Variants in FGGY observed in about 807,000 individuals in gnomAD.
FGGY encodes the protein FGGY carbohydrate kinase domain containing.
A neutral mutation model predicts 71.3 loss-of-function variants in FGGY; 72 were observed. The observed-to-expected ratio is 1.01, with a 90% CI of 0.84 to 1.23. The LOEUF (loss-of-function observed/expected upper bound fraction) is 1.23, where lower values mean the gene tolerates loss of function less well. Ranked by LOEUF, FGGY falls within the 50% of genes most tolerant of loss-of-function variation. The pLI, the probability that FGGY is intolerant of heterozygous loss-of-function variation, is 0.00. For missense variants in FGGY, 668 were observed against 682.3 expected (o/e 0.98, Z 0.23); for synonymous variants, 251 against 250.3 (o/e 1.00, Z -0.02).
chr1:59,405,917 C>CA (rs2062663718), intron 5 of FGGY, among the ~76,000 whole-genome samples: 2 of 144,896 alleles, frequency 1.4e-5, no homozygotes, highest in Admixed American at 1.4e-4. Flanking sequence ...TTTCCCCTAG[C>CA]TTTTTTTTTT....
intron 5 of FGGY, among the ~76,000 whole-genome samples, chr1:59,438,744 A>G (rs995236708): frequency 9.9e-5 from 15 of 152,214 alleles, no homozygotes; most frequent in South Asian, 4.1e-4. Context: ...ATGTATTTCA[A>G]TTGAGGGGGA....
Position 59,660,202 on chromosome 1 carries a change from TC to T in FGGY, c.1222-14del. ...TCTTTTGACCATCTTCTTCTTTTCT[TC>T]CCTTCATGCCTGCAGGTCACCGGAT... is the stretch of plus-strand genomic sequence containing the variant. On this transcript the variant is annotated splice_polypyrimidine_tract_variant and intron_variant, in intron 11 of 15. Coordinates refer to ENST00000303721, the MANE Select transcript of FGGY (RefSeq NM_018291.5). 6.2e-7 allele frequency: 1 copy of T among 1,611,242 alleles called. No individual in the cohort carries two copies. Among genetic ancestry groups the T allele is most frequent in the Non-Finnish European group, 8.5e-7 (1 of 1,178,060 alleles).
chr1:59,732,830 T>C (rs1376368978), intron 14 of FGGY, among the ~76,000 whole-genome samples: 1 of 151,970 alleles, frequency 6.6e-6, no homozygotes, highest in African/African-American at 2.4e-5. Context: ...GAACATGCAA[T>C]TCTTGCACCC....
chr1:59,549,856 G>C (rs2095581660), intron 7 of FGGY, among the ~76,000 whole-genome samples: 2 of 152,172 alleles, frequency 1.3e-5, no homozygotes, highest in Non-Finnish European at 2.9e-5. Context: ...GAGATGAAGG[G>C]AGACAGCATA....
chr1:59,430,102 G>A (rs1572054970), intron 5 of FGGY, among the ~76,000 whole-genome samples: 1 of 152,296 alleles, frequency 6.6e-6, no homozygotes, highest in South Asian at 2.1e-4. Flanking sequence ...GCTGGGTCCT[G>A]TATCTTCAGT....
At chr1:59,733,614 C>T (rs1032883546) in intron 14 of FGGY, among the ~76,000 whole-genome samples, 5 of 152,178 alleles carry the variant, frequency 3.3e-5, no homozygotes, top group African/African-American at 1.2e-4. Context: ...TTGGCCTTGT[C>T]TGTGAGGAAT....
At chr1:59,405,496 C>CCATAAA (rs1276745602) in intron 5 of FGGY, among the ~76,000 whole-genome samples, 2 of 152,156 alleles carry the variant, frequency 1.3e-5, no homozygotes, top group African/African-American at 4.8e-5. Flanking sequence ...TGGCTAGTAG[C>CCATAAA]ACCTTGTACA....
intron 2 of FGGY, among the ~76,000 whole-genome samples, chr1:59,333,967 G>A (rs1461376830): frequency 6.6e-6 from 1 of 152,066 alleles, no homozygotes; most frequent in African/African-American, 2.4e-5. Context: ...TGAGTCTCTT[G>A]GGCAACAGGA....
chr1:59,301,176 T>G (rs1432446657), intron 1 of FGGY, among the ~76,000 whole-genome samples: 1 of 152,218 alleles, frequency 6.6e-6, no homozygotes, highest in African/African-American at 2.4e-5. Flanking sequence ...TATGTAGGTC[T>G]TACACATCTT....
chr1:59,576,217 C>T (rs942460564), intron 8 of FGGY, among the ~76,000 whole-genome samples: 3 of 152,042 alleles, frequency 2.0e-5, no homozygotes, highest in African/African-American at 7.2e-5. Flanking sequence ...TACTATGCAG[C>T]CATAAAAAAG....
At chr1:59,636,444 G>A (rs1355685341) in intron 10 of FGGY, among the ~76,000 whole-genome samples, 2 of 151,906 alleles carry the variant, frequency 1.3e-5, no homozygotes, top group Non-Finnish European at 2.9e-5. Flanking sequence ...ACACGGTGAA[G>A]CCCCGTCTAT....
intron 8 of FGGY, among the ~76,000 whole-genome samples, chr1:59,555,099 T>C (rs1317070592): frequency 6.6e-6 from 1 of 152,168 alleles, no homozygotes; most frequent in Admixed American, 6.5e-5. Flanking sequence ...GTTCAGTTGA[T>C]ATAAATACAT....
chr1:59,742,786 C>T (rs1320651305), intron 14 of FGGY, among the ~76,000 whole-genome samples: 1 of 152,240 alleles, frequency 6.6e-6, no homozygotes, highest in Non-Finnish European at 1.5e-5. Flanking sequence ...TTCTGCTCCA[C>T]ATCAGTCTCT....
chr1:59,579,994 G>A (rs1206205551), intron 8 of FGGY, among the ~76,000 whole-genome samples: 1 of 152,080 alleles, frequency 6.6e-6, no homozygotes, highest in Non-Finnish European at 1.5e-5. Context: ...CTCTGCCACA[G>A]GGCCTTTGTA....
At chr1:59,587,991 A>T (rs1450641378) in intron 8 of FGGY, among the ~76,000 whole-genome samples, 1 of 152,218 alleles carries the variant, frequency 6.6e-6, no homozygotes, top group African/African-American at 2.4e-5. Flanking sequence ...CCATCAAACT[A>T]TTCCAAGCTA....
chr1:59,648,764 T>C (rs1267938383), intron 11 of FGGY, among the ~76,000 whole-genome samples: 1 of 151,970 alleles, frequency 6.6e-6, no homozygotes, highest in African/African-American at 2.4e-5. Context: ...TTAGATCCCA[T>C]TTGTCAATTT....
At chr1:59,556,091 G>A (rs1296374053) in intron 8 of FGGY, among the ~76,000 whole-genome samples, 2 of 152,212 alleles carry the variant, frequency 1.3e-5, no homozygotes, top group Non-Finnish European at 2.9e-5. Flanking sequence ...GATCTGCAGA[G>A]GCCTGAGGCC....
At chr1:59,339,231 A>G (rs1439810395) in intron 2 of FGGY, among the ~76,000 whole-genome samples, 1 of 152,118 alleles carries the variant, frequency 6.6e-6, no homozygotes, top group Non-Finnish European at 1.5e-5. Context: ...AAAATCTGAA[A>G]AATTCTGAAA....
intron 8 of FGGY, among the ~76,000 whole-genome samples, chr1:59,559,808 A>G (rs757778849): frequency 6.6e-6 from 1 of 152,234 alleles, no homozygotes; most frequent in Non-Finnish European, 1.5e-5. Context: ...AAAATGAAGT[A>G]TTATGAATTA....
Sources: allele counts gnomAD v4.1 joint callset (sites outside exome capture counted in the v4.1 genomes callset), GRCh38; gene constraint gnomAD v4.1.1; transcripts MANE v1.5; gene names NCBI Gene and HGNC (gene_info 2026-07-23, HGNC 2026-07-21).